The following CDK5RAP2 variants were observed in gnomAD, a reference collection of about 807,000 sequenced individuals.
CDK5RAP2 encodes CDK5 regulatory subunit associated protein 2.
A neutral mutation model predicts 232.9 loss-of-function variants in CDK5RAP2; 147 were observed. The ratio of observed to expected loss-of-function variants is 0.63; its 90% confidence interval spans 0.55 to 0.72. CDK5RAP2 has a LOEUF of 0.72. CDK5RAP2 is among the 30% of genes least tolerant of loss of function. The pLI is 0.00. For missense variants in CDK5RAP2, 2,195 were observed against 2,231.5 expected (o/e 0.98, Z 0.33); for synonymous variants, 833 against 833.7 (o/e 1.00, Z 0.01).
At chr9:120,553,002 G>A (rs571134310) in intron 3 of CDK5RAP2, among the ~76,000 whole-genome samples, 137 of 152,174 alleles carry the variant, frequency 9.0e-4, no homozygotes, top group African/African-American at 3.0e-3. Flanking sequence ...CTTTTCATAC[G>A]CTTGAAATCT....
At chr9:120,512,088 C>A (rs953985113) in intron 12 of CDK5RAP2, among the ~76,000 whole-genome samples, 1 of 152,092 alleles carries the variant, frequency 6.6e-6, no homozygotes, top group African/African-American at 2.4e-5. Context: ...GTGGCTCACA[C>A]CTATAATCCT....
At chr9:120,449,023 T>A (rs1309321554) in intron 21 of CDK5RAP2, among the ~76,000 whole-genome samples, 1 of 152,198 alleles carries the variant, frequency 6.6e-6, no homozygotes, top group Non-Finnish European at 1.5e-5. Context: ...CCTAAAACTA[T>A]TTTAATTGCT....
intron 20 of CDK5RAP2, among the ~76,000 whole-genome samples, chr9:120,457,233 A>G (rs977679438): frequency 1.3e-5 from 2 of 152,162 alleles, no homozygotes; most frequent in Non-Finnish European, 2.9e-5. Flanking sequence ...CTGACTCCCA[A>G]CCATTGGCTG....
In CDK5RAP2 at chr9:120,400,864, T is replaced by A. The variant is rs2032946982; in HGVS notation, c.5329A>T (p.Ser1777Cys). 6.2e-7 allele frequency: 1 copy of A among 1,614,080 alleles called. No individual in the cohort carries two copies. Among genetic ancestry groups the A allele is most frequent in the East Asian group, 2.2e-5 (1 of 44,856 alleles). Residue 1777 changes from serine to cysteine, a missense_variant, in exon 35 of 38, where the codon AGC (serine) becomes TGC (cysteine). Physicochemically the swap from Ser to Cys is moderately radical, Grantham distance 112. Transcript: ENST00000349780. ...GTGCTCACACTGCTCACAAACTTGCTCAGTGGTGCTGGGTGTGGACCCTAC... is the reference window on the plus strand; with the variant it reads ...GTGCTCACACTGCTCACAAACTTGCACAGTGGTGCTGGGTGTGGACCCTAC... ...GTKGPHPAPL[S>C]KFVSSVSTAK...
chr9:120,407,170 C>A lies in CDK5RAP2; in HGVS notation c.4805G>T (p.Arg1602Leu). 6.2e-7 allele frequency: 1 copy of A among 1,613,976 alleles called. No homozygotes were observed. Among genetic ancestry groups the A allele is most frequent in the Non-Finnish European group, 8.5e-7 (1 of 1,180,032 alleles). ...TTCGATGCTCCTTTCTAGTTGCAAG[C>A]GCAGAGCCTGGATCTCCATCAGGAG... is the stretch of plus-strand genomic sequence containing the variant. ...HSLLMEIQAL[R>L]LQLERSIETS... The change falls in exon 32 of 38, where the codon CGC becomes CTC. Residue 1602 changes from arginine (R) to leucine (L), a missense_variant. Transcript: ENST00000349780.
At chr9:120,526,183 C>T (rs900711473) in intron 10 of CDK5RAP2, among the ~76,000 whole-genome samples, 1 of 152,128 alleles carries the variant, frequency 6.6e-6, no homozygotes, top group African/African-American at 2.4e-5. Flanking sequence ...ACAGGGAGTC[C>T]TAGATTGACC....
intron 35 of CDK5RAP2, among the ~76,000 whole-genome samples, chr9:120,398,025 A>G (rs574875977): frequency 6.6e-6 from 1 of 152,294 alleles, no homozygotes; most frequent in South Asian, 2.1e-4. Flanking sequence ...CATACTGTAC[A>G]TCTCCTGCCC....
intron 27 of CDK5RAP2, among the ~76,000 whole-genome samples, chr9:120,416,490 A>G (rs2034228199): frequency 6.6e-6 from 1 of 152,262 alleles, no homozygotes; most frequent in African/African-American, 2.4e-5. Flanking sequence ...AATATGTGAA[A>G]GAAGGAAATA....
In CDK5RAP2 at chr9:120,550,702, T is replaced by G. The variant is rs890644414; in HGVS notation, c.306+90A>C. ...TAAATGAAAGCATCTCTATTCATAC[T>G]AACTCTAAGAACAAATATTAATCAA... On this transcript the variant is annotated intron_variant, in intron 4 of 37. Coordinates refer to ENST00000349780, the MANE Select transcript of CDK5RAP2 (RefSeq NM_018249.6). The G allele has an allele frequency of 5.7e-5, 47 of 825,436 alleles. No individual in the cohort carries two copies. The Admixed American group carries it at 7.3e-4, about 13-fold the overall frequency. 51.1% of individuals were successfully genotyped at this position (825,436 alleles called of 1,614,324 possible).
At chr9:120,545,661 T>G in intron 5 of CDK5RAP2, 53 bp downstream of exon 5, 2 of 1,356,956 alleles carry the variant, frequency 1.5e-6, no homozygotes, top group Non-Finnish European at 2.1e-6. Context: ...TCTATTTCAC[T>G]GACCAACCCA....
chr9:120,455,183 G>A (rs1471677298), intron 20 of CDK5RAP2, among the ~76,000 whole-genome samples: 1 of 152,142 alleles, frequency 6.6e-6, no homozygotes, highest in Non-Finnish European at 1.5e-5. Context: ...ATCCCAGAGT[G>A]CCCCAGACTG....
At chr9:120,486,503 C>T (rs2038611240) in intron 14 of CDK5RAP2, among the ~76,000 whole-genome samples, 1 of 151,096 alleles carries the variant, frequency 6.6e-6, no homozygotes, top group Non-Finnish European at 1.5e-5. Flanking sequence ...ATTCACTCAA[C>T]AAATATTTAC....
At chr9:120,547,378 CG>C (rs1179614937) in intron 4 of CDK5RAP2, among the ~76,000 whole-genome samples, 1 of 151,628 alleles carries the variant, frequency 6.6e-6, no homozygotes, top group Non-Finnish European at 1.5e-5. Flanking sequence ...CTGAGGTGGG[CG>C]GATCACTTGA....
At chr9:120,497,983 A>C (rs185813388) in intron 12 of CDK5RAP2, among the ~76,000 whole-genome samples, 1 of 152,278 alleles carries the variant, frequency 6.6e-6, no homozygotes, top group African/African-American at 2.4e-5. Flanking sequence ...TAGCTCTAGG[A>C]TGTGTCTAGT....
At chr9:120,518,043 A>C (rs1438278050) in intron 12 of CDK5RAP2, among the ~76,000 whole-genome samples, 1 of 152,224 alleles carries the variant, frequency 6.6e-6, no homozygotes, top group Non-Finnish European at 1.5e-5. Context: ...GTGATGAAAT[A>C]TTATGCTGGC....
chr9:120,428,716 C>A (rs552653677), intron 25 of CDK5RAP2, among the ~76,000 whole-genome samples: 33 of 152,176 alleles, frequency 2.2e-4, no homozygotes, highest in South Asian at 1.5e-3. Flanking sequence ...GAAACTATTC[C>A]AATCAATAGA....
chr9:120,571,123 C>T (rs1490995540), intron 2 of CDK5RAP2, among the ~76,000 whole-genome samples: 1 of 152,120 alleles, frequency 6.6e-6, no homozygotes, highest in Non-Finnish European at 1.5e-5. Flanking sequence ...CACCTCTGCA[C>T]TCCCAGCCTG....
intron 16 of CDK5RAP2, among the ~76,000 whole-genome samples, 169 bp downstream of exon 16, chr9:120,471,579 G>C (rs947543924): frequency 2.0e-5 from 3 of 152,144 alleles, no homozygotes; most frequent in Non-Finnish European, 2.9e-5. Flanking sequence ...AACTTACTGG[G>C]CTCTTCTACT....
rs2035005304 is a variant in CDK5RAP2 at position 120,427,729 on chromosome 9, T to C, written c.3956-4988A>G. 2.0e-5 allele frequency among the ~76,000 whole-genome samples: 3 copies of C among 152,240 alleles called. No homozygotes were observed. The South Asian group carries it at 6.2e-4, about 32-fold the overall frequency. On this transcript the variant is annotated intron_variant, in intron 25 of 37. Transcript: ENST00000349780. ...GTAGAAGTCTTACAGAAAAAAATAA[T>C]GGTTTGAACGGAATCATGGAAGAGG...
Sources: allele counts gnomAD v4.1 joint callset (sites outside exome capture counted in the v4.1 genomes callset), GRCh38; gene constraint gnomAD v4.1.1; transcripts MANE v1.5; gene names NCBI Gene and HGNC (gene_info 2026-07-23, HGNC 2026-07-21).